AGMO: variants seen among roughly 807,000 people sequenced by gnomAD.
AGMO encodes glyceryl-ether monooxygenase.
A neutral mutation model predicts 60.2 loss-of-function variants in AGMO; 75 were observed. The observed-to-expected ratio is 1.25, with a 90% CI of 1.03 to 1.51. AGMO has a LOEUF of 1.51. Among genes scored for constraint, AGMO ranks in the 40% most tolerant of loss-of-function variants. The pLI is 0.00. For missense variants in AGMO, 763 were observed against 525.5 expected, an observed-to-expected ratio of 1.45 and a Z score of -4.42; for synonymous variants, 261 against 177.1, an observed-to-expected ratio of 1.47 and a Z score of -3.76.
intron 3 of AGMO, among the ~76,000 whole-genome samples, chr7:15,441,814 A>G (rs983415553): frequency 1.3e-5 from 2 of 152,226 alleles, no homozygotes; most frequent in Non-Finnish European, 2.9e-5. Flanking sequence ...AGGAAAAGAC[A>G]GGAAAATAGA....
At chr7:15,220,405 G>A (rs867946904) in intron 12 of AGMO, among the ~76,000 whole-genome samples, 1 of 150,954 alleles carries the variant, frequency 6.6e-6, no homozygotes, top group African/African-American at 2.4e-5. Flanking sequence ...TTTTAGTAGA[G>A]ACTGGGTTTC....
chr7:15,474,771 TAGG>T (rs1375955291), intron 3 of AGMO, among the ~76,000 whole-genome samples: 1 of 151,854 alleles, frequency 6.6e-6, no homozygotes, highest in East Asian at 1.9e-4. Flanking sequence ...ACCTACAGAA[TAGG>T]AGAAAATTTT....
intron 2 of AGMO, among the ~76,000 whole-genome samples, chr7:15,546,722 T>C (rs1784791750): frequency 6.6e-6 from 1 of 152,236 alleles, no homozygotes; most frequent in African/African-American, 2.4e-5. Context: ...ATCTATGAAA[T>C]GAACACTTAA....
intron 12 of AGMO, among the ~76,000 whole-genome samples, chr7:15,263,699 G>C (rs1353729622): frequency 6.6e-6 from 1 of 151,970 alleles, no homozygotes; most frequent in Non-Finnish European, 1.5e-5. Flanking sequence ...AAGGGATAAA[G>C]AAATATGGTA....
At chr7:15,359,820 C>CA (rs1192987966) in intron 12 of AGMO, among the ~76,000 whole-genome samples, 13 of 152,008 alleles carry the variant, frequency 8.6e-5, no homozygotes, top group Admixed American at 4.6e-4. Context: ...TCATAAAATA[C>CA]AAAAAATCCT....
At chr7:15,351,820 T>G (rs1214200633) in intron 12 of AGMO, among the ~76,000 whole-genome samples, 2 of 152,214 alleles carry the variant, frequency 1.3e-5, no homozygotes, top group Non-Finnish European at 2.9e-5. Context: ...TTATGCAAAT[T>G]ATTTTTAAAT....
rs532361255 is a variant in AGMO, at chr7:15,275,726, G to A, written c.1264-74367C>T. Among the ~76,000 whole-genome samples, 46 of 151,900 alleles carry A rather than the reference G, an allele frequency of 3.0e-4. 1 individual carries two copies. The South Asian group carries it at 8.1e-3, about 27-fold the overall frequency. On this transcript the variant is annotated intron_variant, in intron 12 of 12. Transcript: ENST00000342526. ...TATGAATCTGGGTTTTCTGGTGTTG[G>A]GTGCATATATATTTAGGATGGTGAT...
chr7:15,420,792 A>G (rs1483739094), intron 4 of AGMO, among the ~76,000 whole-genome samples: 1 of 152,166 alleles, frequency 6.6e-6, no homozygotes, highest in Non-Finnish European at 1.5e-5. Context: ...TAGGCACATG[A>G]TACCCTTTAC....
intron 12 of AGMO, among the ~76,000 whole-genome samples, chr7:15,280,850 A>T (rs1783943656): frequency 6.6e-6 from 1 of 152,196 alleles, no homozygotes. Flanking sequence ...GAGAAAGCCA[A>T]CACACTATGG....
chr7:15,369,861 A>G (rs1446197418), intron 10 of AGMO, among the ~76,000 whole-genome samples: 1 of 152,148 alleles, frequency 6.6e-6, no homozygotes, highest in Admixed American at 6.6e-5. Context: ...ATGTTATTAC[A>G]TTGCTAATAT....
intron 5 of AGMO, among the ~76,000 whole-genome samples, chr7:15,416,825 A>T (rs1019435302): frequency 2.0e-5 from 3 of 152,152 alleles, no homozygotes; most frequent in African/African-American, 7.2e-5. Flanking sequence ...TTTACTTATT[A>T]ATCTGTGTAT....
intron 12 of AGMO, among the ~76,000 whole-genome samples, chr7:15,363,839 A>G (rs1418369771): frequency 6.6e-6 from 1 of 152,022 alleles, no homozygotes; most frequent in Non-Finnish European, 1.5e-5. Context: ...ACCTAAGAGT[A>G]CTCTCATTAA....
intron 10 of AGMO, among the ~76,000 whole-genome samples, chr7:15,371,369 TGCTACC>T (rs1783205252): frequency 6.6e-6 from 1 of 151,526 alleles, no homozygotes. Context: ...TACAGGCACA[TGCTACC>T]GTGCGCACAG....
chr7:15,346,726 CT>C (rs1408314176), intron 12 of AGMO, among the ~76,000 whole-genome samples: 1 of 151,710 alleles, frequency 6.6e-6, no homozygotes, highest in Non-Finnish European at 1.5e-5. Context: ...CAAAAATCAA[CT>C]TGACCCTAAG....
chr7:15,226,110 T>C (rs969986995), intron 12 of AGMO, among the ~76,000 whole-genome samples: 2 of 152,062 alleles, frequency 1.3e-5, no homozygotes, highest in Non-Finnish European at 2.9e-5. Context: ...TAAGAAAAAC[T>C]AGCCTTTCTC....
At chr7:15,488,689 G>C (rs1038115810) in intron 3 of AGMO, among the ~76,000 whole-genome samples, 2 of 152,066 alleles carry the variant, frequency 1.3e-5, no homozygotes, top group African/African-American at 4.8e-5. Flanking sequence ...AAAAACATTT[G>C]AAGATTATTG....
chr7:15,364,143 T>C (rs1455749174), intron 12 of AGMO, among the ~76,000 whole-genome samples: 1 of 151,948 alleles, frequency 6.6e-6, no homozygotes, highest in East Asian at 1.9e-4. Flanking sequence ...AATGTGTATA[T>C]ATACCCCTAT....
At chr7:15,213,894 T>C (rs1368909350) in intron 12 of AGMO, among the ~76,000 whole-genome samples, 1 of 152,048 alleles carries the variant, frequency 6.6e-6, no homozygotes, top group Non-Finnish European at 1.5e-5. Context: ...TTTTGATGGT[T>C]ACTGGTAAAT....
At chr7:15,277,623 C>T (rs1783840480) in intron 12 of AGMO, among the ~76,000 whole-genome samples, 1 of 152,038 alleles carries the variant, frequency 6.6e-6, no homozygotes. Context: ...TTCCTTTAGC[C>T]CTGTGCACTT....
Sources: allele counts gnomAD v4.1 joint callset (sites outside exome capture counted in the v4.1 genomes callset), GRCh38; gene constraint gnomAD v4.1.1; transcripts MANE v1.5; gene names NCBI Gene and HGNC (gene_info 2026-07-23, HGNC 2026-07-21).